The following SUGP2 variants were observed in gnomAD, a reference collection of about 807,000 sequenced individuals.
SUGP2 encodes the protein SURP and G-patch domain containing 2.
SUGP2 carries 24 observed loss-of-function variants against 90.5 expected under a neutral mutation model. The ratio of observed to expected loss-of-function variants is 0.27; its 90% CI spans 0.19 to 0.37. The LOEUF (loss-of-function observed/expected upper bound fraction) is 0.37. Ranked by LOEUF, SUGP2 falls within the 10% of genes least tolerant of loss-of-function variation. SUGP2 has a pLI of 1.00. For missense variants in SUGP2, 1,233 were observed against 1,363.3 expected (o/e 0.90, Z 1.51); for synonymous variants, 473 against 513.4 (o/e 0.92, Z 1.06).
At position 19,008,734 on chromosome 19, in the gene SUGP2, A is replaced by G. The variant is rs117687533; in HGVS notation, c.2339-306T>C. On this transcript the variant is annotated intron_variant, in intron 5 of 10. Transcript: ENST00000452918. The stretch of plus-strand genomic sequence containing the variant: ...TGTCTCTCCTGAAGCCCCAACCCCA[A>G]TTGCCAGGTGAACAAACATGGGCTG... 1.9e-3 allele frequency among the ~76,000 whole-genome samples: 287 copies of G among 152,236 alleles called. 3 individuals are homozygous for G. The highest frequency in any genetic ancestry group is 3.5e-3 in the Non-Finnish European group (236 of 68,012).
At chr19:19,002,251 G>C (rs1466466357) in intron 7 of SUGP2, among the ~76,000 whole-genome samples, 2 of 151,974 alleles carry the variant, frequency 1.3e-5, no homozygotes, top group Non-Finnish European at 2.9e-5. Context: ...GTGGTGGCGG[G>C]AGCCTGCAAT....
rs765441942 is a variant in SUGP2 at position 18,993,256 on chromosome 19, G to A, written c.*485C>T. The A allele has an allele frequency of 6.6e-6, 1 of 152,184 alleles. No individual in the cohort carries two copies. Among genetic ancestry groups the A allele is most frequent in the Non-Finnish European group, 1.5e-5 (1 of 68,044 alleles). 9.4% of individuals were successfully genotyped at this position (152,184 alleles called of 1,614,324 possible). ...AGAGAGCTTCAGAGCTTTGGTACCC[G>A]AGTGCAGACTTGGTAATTACCGGGA... On this transcript the variant is annotated 3_prime_UTR_variant, in exon 11 of 11. Coordinates refer to ENST00000452918, the MANE Select transcript of SUGP2 (RefSeq NM_001017392.5).
rs772446941 is a variant in SUGP2 at position 19,010,119 on chromosome 19, T to C, written c.2074A>G (p.Lys692Glu). Residue 692 changes from lysine (K) to glutamate (E), a missense_variant, in exon 5 of 11, where the codon AAG becomes GAG. Physicochemically the swap from Lys to Glu is moderately conservative, Grantham distance 56. Transcript: ENST00000452918. ...LLRAQGLRGWKARRATTGTQT... is the reference protein window; with the variant it reads ...LLRAQGLRGWEARRATTGTQT... ...GTCCCGGTGGTCGCTCTCCTCGCCTTCCAGCCCCGGAGCCCTTGAGCACGG... is the reference window on the plus strand; with the variant it reads ...GTCCCGGTGGTCGCTCTCCTCGCCTCCCAGCCCCGGAGCCCTTGAGCACGG... 1 of 1,597,936 alleles carries C rather than the reference T, an allele frequency of 6.3e-7. No homozygotes were observed. Among genetic ancestry groups the C allele is most frequent in the Non-Finnish European group, 8.5e-7 (1 of 1,173,740 alleles).
chr19:19,001,815 GC>G (rs1568387408), intron 7 of SUGP2, 141 bp from the exon 8 acceptor site: 1 of 777,832 alleles, frequency 1.3e-6, no homozygotes, highest in South Asian at 1.5e-5. Flanking sequence ...CAGCTGCTGA[GC>G]CCCAGCTCCT....
At position 19,033,497 on chromosome 19, in the gene SUGP2, G is replaced by A. The variant is rs778704802; in HGVS notation, c.-72C>T. 4 of 1,406,518 alleles carry A rather than the reference G, an allele frequency of 2.8e-6. No homozygotes were observed. The highest frequency in any genetic ancestry group is 1.3e-5 in the South Asian group (1 of 74,360). The allele number at this position is 1,406,518 out of a possible 1,614,324, so 87.1% of individuals were successfully genotyped here. On this transcript the variant is annotated 5_prime_UTR_variant, in exon 1 of 11. Coordinates refer to ENST00000452918, the MANE Select transcript of SUGP2 (RefSeq NM_001017392.5). ...CGCCTCAGGCTCCTCACCCGCCGCCGCCGCCGCGCGAGGCGGGGACATGCA... is the reference window on the plus strand; with the variant it reads ...CGCCTCAGGCTCCTCACCCGCCGCCACCGCCGCGCGAGGCGGGGACATGCA...
intron 5 of SUGP2, 30 bp from the exon 6 acceptor site, chr19:19,008,458 G>A: frequency 1.3e-6 from 2 of 1,562,086 alleles, no homozygotes; most frequent in South Asian, 2.2e-5. Flanking sequence ...TGTCAGGCAT[G>A]ACTCCTGAGC....
At chr19:19,030,165 A>G (rs1403931699) in intron 2 of SUGP2, among the ~76,000 whole-genome samples, 1 of 151,646 alleles carries the variant, frequency 6.6e-6, no homozygotes, top group East Asian at 1.9e-4. Context: ...AAAACAAAAA[A>G]CAAAAAAAAC....
intron 5 of SUGP2, among the ~76,000 whole-genome samples, chr19:19,009,002 C>T (rs2058198179): frequency 1.3e-5 from 2 of 152,174 alleles, no homozygotes; most frequent in Non-Finnish European, 2.9e-5. Context: ...ACCTCCGCCT[C>T]CCGGGTTCAA....
Position 19,031,097 on chromosome 19 carries a change from A to G in SUGP2, c.-11-15T>C. On this transcript the variant is annotated splice_polypyrimidine_tract_variant and intron_variant, in intron 1 of 10. Coordinates refer to ENST00000452918, the MANE Select transcript of SUGP2 (RefSeq NM_001017392.5). ...GTTATTTTGCCCTATGGTGAGAGAG[A>G]AAAAAATACACTAAGAGCAACAACT... 1.2e-6 allele frequency: 2 copies of G among 1,603,788 alleles called. No individual in the cohort carries two copies. The highest frequency in any genetic ancestry group is 1.7e-6 in the Non-Finnish European group (2 of 1,176,684).
intron 4 of SUGP2, among the ~76,000 whole-genome samples, chr19:19,013,180 A>G (rs890375183): frequency 4.6e-5 from 7 of 152,084 alleles, no homozygotes; most frequent in African/African-American, 1.7e-4. Flanking sequence ...GACTTAAATG[A>G]TTTCTAAAGG....
At chr19:19,005,735 T>C (rs1256738885) in intron 6 of SUGP2, among the ~76,000 whole-genome samples, 1 of 151,854 alleles carries the variant, frequency 6.6e-6, no homozygotes, top group African/African-American at 2.4e-5. Context: ...AGTGCAGTGG[T>C]GTGATCACAG....
chr19:19,007,755 C>CTTTTTTTTTTTTTTTTTTTTT lies in SUGP2; in HGVS notation c.2450+541_2450+561dup, dbSNP rs34670209. Among the ~76,000 whole-genome samples, 2 of 113,434 alleles carry CTTTTTTTTTTTTTTTTTTTTT rather than the reference C, an allele frequency of 1.8e-5. 1 individual carries two copies. Among genetic ancestry groups the CTTTTTTTTTTTTTTTTTTTTT allele is most frequent in the African/African-American group, 7.0e-5 (2 of 28,372 alleles). 74.4% of individuals were successfully genotyped at this position (113,434 alleles called of 152,430 possible). On this transcript the variant is annotated intron_variant, in intron 6 of 10. Coordinates refer to ENST00000452918, the MANE Select transcript of SUGP2 (RefSeq NM_001017392.5). ...ACAAGCATGAGCCATTGCACCTAGC[C>CTTTTTTTTTTTTTTTTTTTTT]TTTTTTTTTTTTTTTTTTTTTGGAG...
intron 8 of SUGP2, 58 bp downstream of exon 8, chr19:19,001,555 C>A: frequency 6.4e-7 from 1 of 1,555,630 alleles, no homozygotes; most frequent in East Asian, 2.2e-5. Context: ...TCCTTTGGAA[C>A]TCCAACAAAT....
chr19:19,015,258 A>G (rs2145562199), intron 4 of SUGP2, among the ~76,000 whole-genome samples: 1 of 152,262 alleles, frequency 6.6e-6, no homozygotes, highest in Admixed American at 6.5e-5. Flanking sequence ...ATACAGAGGT[A>G]GCCGTGAGAA....
rs2058243308 is a variant in SUGP2 at position 19,009,998 on chromosome 19, T to TCAC, written c.2194_2195insGTG (p.Asn731_Asp732insGly). The TCAC allele has an allele frequency of 6.2e-7, 1 of 1,613,890 alleles. No individual in the cohort carries two copies. The highest frequency in any genetic ancestry group is 8.5e-7 in the Non-Finnish European group (1 of 1,180,034). ...GTCTGGCGGGCAGTCCTTGGCAGCA[T>TCAC]CATTTCTGTCTGGCAGGGATGGTTT... is the stretch of plus-strand genomic sequence containing the variant. On this transcript the variant is annotated inframe_insertion, in exon 5 of 11. Transcript: ENST00000452918.
rs771178102 is a variant in SUGP2 at position 19,025,886 on chromosome 19, T to C, written c.462A>G (p.Gln154=). The C allele has an allele frequency of 3.7e-6, 6 of 1,614,162 alleles. No individual in the cohort carries two copies. The highest frequency in any genetic ancestry group is 2.2e-5 in the East Asian group (1 of 44,884). The part of the protein sequence containing the change: ...WEQDFGHPVS[Q]ESSWSQEYSF... ...TATACTCCTGTGACCAAGAGGACTC[T>C]TGAGAAACTGGATGGCCAAAGTCTT... Residue 154 remains glutamine (Q), a synonymous_variant, in exon 3 of 11, where the codon CAA becomes CAG. Transcript: ENST00000452918.
chr19:19,024,484 A>T, intron 3 of SUGP2, 135 bp downstream of exon 3: 1 of 941,042 alleles, frequency 1.1e-6, no homozygotes, highest in East Asian at 2.5e-5. Flanking sequence ...TATATTGGCC[A>T]ATGTGCGTTT....
At chr19:18,997,782 CAAAAAAAAAAA>C (rs35875282) in intron 8 of SUGP2, among the ~76,000 whole-genome samples, 1 of 88,288 alleles carries the variant, frequency 1.1e-5, no homozygotes, top group Non-Finnish European at 2.2e-5. Context: ...GACTCCGTCT[CAAAAAAAAAAA>C]AAAAAAAAAA....
intron 4 of SUGP2, among the ~76,000 whole-genome samples, chr19:19,016,200 T>C (rs980838458): frequency 2.6e-5 from 4 of 152,080 alleles, no homozygotes; most frequent in African/African-American, 9.7e-5. Context: ...GGCTAATTTT[T>C]TTTTGTATTT....
Sources: gnomAD v4.1 joint callset for allele counts (sites outside exome capture counted in the v4.1 genomes callset) on GRCh38, gnomAD v4.1.1 for gene constraint, MANE v1.5 for transcripts, NCBI Gene and HGNC (gene_info 2026-07-23, HGNC 2026-07-21) for gene names.